UNC13B: variants seen among roughly 807,000 people sequenced by gnomAD.
UNC13B encodes the protein unc-13 homolog B.
Under a neutral mutation model 211.0 loss-of-function variants are expected in UNC13B, and 144 were observed. The ratio of observed to expected loss-of-function variants is 0.68; its 90% CI spans 0.60 to 0.78. The LOEUF (loss-of-function observed/expected upper bound fraction) is 0.78, where lower values mean the gene tolerates loss of function less well. Among genes scored for constraint, UNC13B ranks in the 30% least tolerant of loss-of-function variants. UNC13B has a pLI of 0.00. For synonymous variants in UNC13B, 709 were observed against 725.8 expected (o/e 0.98, Z 0.37); for missense variants, 1,777 against 2,002.0 (o/e 0.89, Z 2.14).
Position 35,403,607 on chromosome 9 carries a change from A to C in UNC13B, c.12737+8A>C. The C allele has an allele frequency of 7.2e-7, 1 of 1,397,646 alleles. No homozygotes were observed. The highest frequency in any genetic ancestry group is 9.5e-7 in the Non-Finnish European group (1 of 1,055,584). The allele number at this position is 1,397,646 out of a possible 1,614,324, so 86.6% of individuals were successfully genotyped here. On this transcript the variant is annotated splice_region_variant and intron_variant, in intron 39 of 39. Transcript: ENST00000635942. Reference sequence around the variant, plus strand: ...CAATGAGACATTCCACTTGTAAGTTACGGGGGGGACATACAGGACTCTGGG... The same window carrying C: ...CAATGAGACATTCCACTTGTAAGTTCCGGGGGGGACATACAGGACTCTGGG...
At chr9:35,323,374 A>G (rs1237492295) in intron 11 of UNC13B, among the ~76,000 whole-genome samples, 1 of 152,124 alleles carries the variant, frequency 6.6e-6, no homozygotes, top group African/African-American at 2.4e-5. Flanking sequence ...GCCCCCATTG[A>G]TGGATCTTTA....
chr9:35,178,661 C>T (rs982898658), intron 1 of UNC13B, among the ~76,000 whole-genome samples: 2 of 151,828 alleles, frequency 1.3e-5, no homozygotes, highest in South Asian at 2.1e-4. Context: ...GAGGCCGAGG[C>T]GGGTGGATCA....
chr9:35,182,395 A>C (rs1462657788), intron 1 of UNC13B, among the ~76,000 whole-genome samples: 1 of 151,716 alleles, frequency 6.6e-6, no homozygotes, highest in African/African-American at 2.4e-5. Flanking sequence ...AAATTTAGAA[A>C]CTGTGAAACC....
At chr9:35,381,073 CA>C (rs1564183214) in intron 18 of UNC13B, 26 bp from the exon 19 acceptor site, 12 of 1,599,160 alleles carry the variant, frequency 7.5e-6, no homozygotes, top group African/African-American at 1.3e-5. Flanking sequence ...GCATTGGTGT[CA>C]ATCTCCAGTC....
At chr9:35,330,863 G>A (rs1045968833) in intron 11 of UNC13B, among the ~76,000 whole-genome samples, 2 of 152,118 alleles carry the variant, frequency 1.3e-5, no homozygotes, top group Non-Finnish European at 2.9e-5. Flanking sequence ...TTTCCAAGGA[G>A]CACATAGAAC....
intron 7 of UNC13B, among the ~76,000 whole-genome samples, chr9:35,268,028 T>C (rs1288486086): frequency 6.6e-6 from 1 of 152,152 alleles, no homozygotes; most frequent in East Asian, 1.9e-4. Context: ...TCCTCTGTTC[T>C]TTTTGGCTGC....
intron 11 of UNC13B, chr9:35,342,093 A>G: frequency 1.0e-6 from 1 of 985,344 alleles, no homozygotes; most frequent in Non-Finnish European, 1.2e-6. Flanking sequence ...TGTTTCTGTC[A>G]TCAACTTTGT....
intron 11 of UNC13B, among the ~76,000 whole-genome samples, chr9:35,334,931 A>C (rs1587643804): frequency 6.6e-6 from 1 of 152,072 alleles, no homozygotes; most frequent in African/African-American, 2.4e-5. Flanking sequence ...CCAGCTACTC[A>C]GGAGGCTGAG....
chr9:35,376,427 A>C (rs1834415986), intron 15 of UNC13B, among the ~76,000 whole-genome samples, 180 bp downstream of exon 15: 1 of 152,208 alleles, frequency 6.6e-6, no homozygotes. Context: ...TCCAAATAAC[A>C]GGTCTTACAC....
chr9:35,344,062 T>A (rs1832193131), intron 11 of UNC13B, among the ~76,000 whole-genome samples: 1 of 152,164 alleles, frequency 6.6e-6, no homozygotes, highest in East Asian at 1.9e-4. Flanking sequence ...AGTGCTGCTC[T>A]AAACTCACCC....
At chr9:35,183,467 G>GGGT (rs1822104604) in intron 1 of UNC13B, among the ~76,000 whole-genome samples, 1 of 136,742 alleles carries the variant, frequency 7.3e-6, no homozygotes, top group Non-Finnish European at 1.6e-5. Context: ...CTCCCAGGCA[G>GGGT]GGCGGCCGGG....
At chr9:35,206,357 ACC>A (rs1388648144) in intron 1 of UNC13B, among the ~76,000 whole-genome samples, 1 of 152,136 alleles carries the variant, frequency 6.6e-6, no homozygotes, top group Non-Finnish European at 1.5e-5. Context: ...CAAGAAAAAT[ACC>A]CATACACATT....
In UNC13B at chr9:35,364,293, T is replaced by G. The variant is rs1294187377; in HGVS notation, c.9415-2654T>G. Among the ~76,000 whole-genome samples, 3 of 130,616 alleles carry G rather than the reference T, an allele frequency of 2.3e-5. 1 individual carries two copies. The highest frequency in any genetic ancestry group is 1.4e-4 in the African/African-American group (3 of 21,496). The allele number at this position is 130,616 out of a possible 152,430, so 85.7% of individuals were successfully genotyped here. A position where few individuals can be genotyped will look rare whatever the true frequency, so the allele number is the denominator to read the frequency against. ...AGGATGACTGGAACCCCTGGGTAGA[T>G]TTTGTCCCTTGATTTAGTTTGGAAC... On this transcript the variant is annotated intron_variant, in intron 11 of 39. Coordinates refer to ENST00000635942, the MANE Select transcript of UNC13B (RefSeq NM_001371189.2).
chr9:35,401,380 A>C (rs986196955), intron 37 of UNC13B, among the ~76,000 whole-genome samples: 2 of 152,140 alleles, frequency 1.3e-5, no homozygotes, highest in African/African-American at 4.8e-5. Flanking sequence ...CCAGGGAGGG[A>C]AGAATAGAGA....
At chr9:35,191,666 A>G (rs1333940712) in intron 1 of UNC13B, among the ~76,000 whole-genome samples, 1 of 152,266 alleles carries the variant, frequency 6.6e-6, no homozygotes, top group Non-Finnish European at 1.5e-5. Flanking sequence ...AAACTGGCTT[A>G]TCTGATTTTT....
chr9:35,377,724 G>A (rs1330641776), intron 16 of UNC13B, 29 bp downstream of exon 16: 1 of 1,605,712 alleles, frequency 6.2e-7, no homozygotes. Context: ...GAGGGGACAG[G>A]AAGGCCTGGG....
chr9:35,201,874 C>CTGCTA (rs1430382683), intron 1 of UNC13B, among the ~76,000 whole-genome samples: 1 of 152,132 alleles, frequency 6.6e-6, no homozygotes, highest in African/African-American at 2.4e-5. Context: ...TTCTTGCCTT[C>CTGCTA]TGCTAGCTTT....
chr9:35,243,998 A>G (rs909208908), intron 6 of UNC13B, among the ~76,000 whole-genome samples: 6 of 152,132 alleles, frequency 3.9e-5, no homozygotes, highest in Non-Finnish European at 5.9e-5. Context: ...GATAATTTGA[A>G]GTTGAGGTTT....
At chr9:35,189,901 C>T (rs887655095) in intron 1 of UNC13B, among the ~76,000 whole-genome samples, 7 of 152,082 alleles carry the variant, frequency 4.6e-5, no homozygotes, top group African/African-American at 1.7e-4. Context: ...GAGCTCCCAA[C>T]CTCAGGTGAT....
Sources: gnomAD v4.1 joint callset for allele counts (sites outside exome capture counted in the v4.1 genomes callset) on GRCh38, gnomAD v4.1.1 for gene constraint, MANE v1.5 for transcripts, NCBI Gene and HGNC (gene_info 2026-07-23, HGNC 2026-07-21) for gene names.